PI4KA: variants seen among roughly 807,000 people sequenced by gnomAD.
PI4KA encodes phosphatidylinositol 4-kinase alpha.
PI4KA carries 122 observed loss-of-function variants against 271.4 expected under a neutral mutation model. The observed-to-expected ratio is 0.45, with a 90% CI of 0.39 to 0.52. PI4KA has a LOEUF of 0.52. Ranked by LOEUF, PI4KA falls within the 20% of genes least tolerant of loss-of-function variation. PI4KA has a pLI of 0.00. For missense variants in PI4KA, 1,969 were observed against 2,769.1 expected (o/e 0.71, Z 6.48); for synonymous variants, 1,041 against 1,078.8 (o/e 0.96, Z 0.69).
rs1925469856 is a variant in PI4KA, at chr22:20,712,716, G to A, written c.5653C>T (p.Arg1885Cys). ...VGLDLFVFPY[R>C]VVATAPGCGV... is the part of the protein sequence containing the mutation. ...ACCCCAGGGGCAGTGGCCACCACGC[G>A]GTAGGGAAAAACAAAGAGGTCCAGG... Residue 1885 changes from arginine (R) to cysteine (C), a missense_variant, in exon 49 of 55, where the codon CGC becomes TGC. Coordinates refer to ENST00000255882, the MANE Select transcript of PI4KA (RefSeq NM_058004.4). 8 of 1,550,424 alleles carry A rather than the reference G, an allele frequency of 5.2e-6. No homozygotes were observed. The highest frequency in any genetic ancestry group is 2.7e-5 in the African/African-American group (2 of 72,758).
chr22:20,711,876 C>G (rs1411404460), intron 50 of PI4KA, among the ~76,000 whole-genome samples: 1 of 151,146 alleles, frequency 6.6e-6, no homozygotes, highest in Non-Finnish European at 1.5e-5. Context: ...TCCCGAGTAG[C>G]TGGGACTACA....
chr22:20,811,141 C>G, intron 8 of PI4KA, 109 bp from the exon 9 acceptor site: 2 of 799,010 alleles, frequency 2.5e-6, no homozygotes, highest in Non-Finnish European at 4.4e-6. Flanking sequence ...AAATGTGATG[C>G]AGATAAAGGC....
In PI4KA at chr22:20,742,631, G is replaced by T; in HGVS notation, c.3590C>A (p.Thr1197Asn). The change falls in exon 31 of 55, where the codon ACC becomes AAC. Residue 1197 changes from threonine (T) to asparagine (N), a missense_variant. Around this residue, in one of 13 missense-constraint regions of PI4KA, gnomAD observed 203 missense variants for 256.8 expected, o/e 0.79. Coordinates refer to ENST00000255882, the MANE Select transcript of PI4KA (RefSeq NM_058004.4). The stretch of plus-strand genomic sequence containing the variant: ...ACCTTTACTGCTAATGAGCATTGCG[G>T]TCAGCTTGAACATGGCCTGCGTGTA... Reference protein sequence around the residue: ...QHYTQAMFKLTAMLISSKDCD... With the variant: ...QHYTQAMFKLNAMLISSKDCD... 6.2e-7 allele frequency: 1 copy of T among 1,614,190 alleles called. No homozygotes were observed. The highest frequency in any genetic ancestry group is 8.5e-7 in the Non-Finnish European group (1 of 1,180,020).
chr22:20,742,183 T>G, intron 32 of PI4KA, 45 bp downstream of exon 32: 1 of 1,599,150 alleles, frequency 6.3e-7, no homozygotes, highest in Non-Finnish European at 8.5e-7. Context: ...TTCCCGTCTG[T>G]TATCCCATCC....
chr22:20,780,230 C>T (rs779171830), intron 19 of PI4KA: 1 of 1,614,102 alleles, frequency 6.2e-7, no homozygotes, highest in Non-Finnish European at 8.5e-7. Flanking sequence ...GTTCTCACAG[C>T]AAACCCACAA....
Position 20,793,892 on chromosome 22 carries a change from G to A in PI4KA, c.2278-649C>T, listed in dbSNP as rs141712057. ...AATTCTGGAAGCACTGGCCTAAGCC[G>A]ACTTGATTTATGCTCTTAATCTATA... On this transcript the variant is annotated intron_variant, in intron 18 of 54. Transcript: ENST00000255882. Among the ~76,000 whole-genome samples, 5 of 152,218 alleles carry A rather than the reference G, an allele frequency of 3.3e-5. No individual in the cohort carries two copies. In the South Asian group the frequency reaches 6.2e-4, roughly 19 times the overall value.
At chr22:20,792,227 G>T (rs1054689070) in intron 19 of PI4KA, among the ~76,000 whole-genome samples, 1 of 152,062 alleles carries the variant, frequency 6.6e-6, no homozygotes, top group Non-Finnish European at 1.5e-5. Flanking sequence ...ATCTACCTCG[G>T]CCAGCCAAAA....
At chr22:20,812,528 G>T (rs1921193245) in intron 8 of PI4KA, among the ~76,000 whole-genome samples, 1 of 152,016 alleles carries the variant, frequency 6.6e-6, no homozygotes, top group Non-Finnish European at 1.5e-5. Context: ...TAGCTTGATT[G>T]TAACAACTTC....
At chr22:20,721,671 G>T in intron 42 of PI4KA, 1 of 470,750 alleles carries the variant, frequency 2.1e-6, no homozygotes, top group South Asian at 3.0e-5. Flanking sequence ...TCTCCTCTGT[G>T]TCTTCCCATG....
At chr22:20,802,196 T>A (rs1025902065) in intron 13 of PI4KA, 91 bp from the exon 14 acceptor site, 1 of 1,201,228 alleles carries the variant, frequency 8.3e-7, no homozygotes, top group Non-Finnish European at 1.2e-6. Flanking sequence ...AATATGCTGA[T>A]CATTTATAAA....
intron 25 of PI4KA, among the ~76,000 whole-genome samples, chr22:20,752,477 C>T (rs570537976): frequency 6.6e-6 from 1 of 152,310 alleles, no homozygotes; most frequent in South Asian, 2.1e-4. Flanking sequence ...GGACATGTCC[C>T]AACAGGGTCT....
intron 2 of PI4KA, among the ~76,000 whole-genome samples, chr22:20,837,708 C>G (rs1314708522): frequency 6.6e-6 from 1 of 152,062 alleles, no homozygotes; most frequent in African/African-American, 2.4e-5. Flanking sequence ...ATCCAATGAT[C>G]AATCATTTGT....
intron 5 of PI4KA, 42 bp from the exon 6 acceptor site, chr22:20,819,942 C>T (rs752670453): frequency 1.3e-6 from 2 of 1,536,266 alleles, no homozygotes; most frequent in Non-Finnish European, 1.8e-6. Flanking sequence ...AGAAAGTATC[C>T]TGATAGAGTC....
chr22:20,753,531 T>C (rs1048054001), intron 23 of PI4KA, among the ~76,000 whole-genome samples: 3 of 152,248 alleles, frequency 2.0e-5, no homozygotes, highest in African/African-American at 4.8e-5. Flanking sequence ...TGGTGACTCC[T>C]CAGTCTGTCA....
chr22:20,709,485 G>A (rs1313777781), intron 53 of PI4KA, 106 bp from the exon 54 acceptor site: 89 of 768,460 alleles, frequency 1.2e-4, no homozygotes, highest in South Asian at 6.1e-4. Context: ...TGAGAGCCAC[G>A]CCCTGGAAAT....
At chr22:20,799,509 C>T (rs1008592846) in intron 15 of PI4KA, among the ~76,000 whole-genome samples, 162 bp downstream of exon 15, 1 of 152,162 alleles carries the variant, frequency 6.6e-6, no homozygotes, top group African/African-American at 2.4e-5. Flanking sequence ...AAGTACAATC[C>T]AAGGTGGGCT....
At chr22:20,812,295 T>C (rs1412573885) in intron 8 of PI4KA, among the ~76,000 whole-genome samples, 1 of 152,190 alleles carries the variant, frequency 6.6e-6, no homozygotes, top group Non-Finnish European at 1.5e-5. Flanking sequence ...TCCATCCTCA[T>C]TAATTATTAC....
At chr22:20,787,965 G>A (rs1230489989) in intron 19 of PI4KA, among the ~76,000 whole-genome samples, 1 of 152,182 alleles carries the variant, frequency 6.6e-6, no homozygotes, top group African/African-American at 2.4e-5. Context: ...TCTATGCCAG[G>A]CTGCTGCAGC....
chr22:20,747,893 C>T (rs897170957), intron 28 of PI4KA, among the ~76,000 whole-genome samples, 191 bp from the exon 29 acceptor site: 5 of 151,348 alleles, frequency 3.3e-5, no homozygotes, highest in Non-Finnish European at 1.5e-5. Context: ...CGCCACTATG[C>T]CTGGCTAATT....
Sources: allele counts gnomAD v4.1 joint callset (sites outside exome capture counted in the v4.1 genomes callset), GRCh38; gene constraint gnomAD v4.1.1; regional missense constraint gnomAD v4.1.1; transcripts MANE v1.5; gene names NCBI Gene and HGNC (gene_info 2026-07-23, HGNC 2026-07-21).